CFAP92: variants seen among roughly 807,000 people sequenced by gnomAD.
CFAP92 encodes the protein cilia and flagella associated protein 92 (putative).
Under a neutral mutation model 106.3 loss-of-function variants are expected in CFAP92, and 86 were observed. The observed-to-expected ratio is 0.81, with a 90% CI of 0.68 to 0.97. CFAP92 has a LOEUF of 0.97. CFAP92 is among the 50% of genes least tolerant of loss of function. The probability of loss-of-function intolerance (pLI) is 0.00; values close to 1 mark genes in which losing one functional copy is unlikely to be tolerated. For synonymous variants in CFAP92, 477 were observed against 506.4 expected, an observed-to-expected ratio of 0.94 and a Z score of 0.78; for missense variants, 1,204 against 1,283.8, an observed-to-expected ratio of 0.94 and a Z score of 0.95.
At chr3:128,994,872 A>C (rs1944423392), upstream of CFAP92, among the ~76,000 whole-genome samples, 1 of 152,188 alleles carries the variant, frequency 6.6e-6, no homozygotes, top group Admixed American at 6.5e-5. Flanking sequence ...AGGCGGTGAA[A>C]GCAAGAGAAA....
intron 9 of CFAP92, among the ~76,000 whole-genome samples, chr3:128,958,655 C>T (rs1176135785): frequency 6.6e-6 from 1 of 152,214 alleles, no homozygotes; most frequent in Non-Finnish European, 1.5e-5. Flanking sequence ...AATCCTAGCA[C>T]TTTGGGAGGC....
intron 4 of CFAP92, among the ~76,000 whole-genome samples, chr3:128,980,144 G>C (rs1320980792): frequency 6.6e-6 from 1 of 151,730 alleles, no homozygotes; most frequent in Non-Finnish European, 1.5e-5. Context: ...ACTGAGATAA[G>C]AGGATCGCTT....
the CFAP92 span, among the ~76,000 whole-genome samples, chr3:129,015,506 G>A: frequency 6.6e-6 from 1 of 151,948 alleles, no homozygotes; most frequent in Non-Finnish European, 1.5e-5. Context: ...TTCATCCTTC[G>A]GTGAATTAAA....
rs747846480 is a variant in CFAP92 at position 128,912,457 on chromosome 3, C to A, written c.3281-2124G>T. On this transcript the variant is annotated intron_variant, in intron 15 of 15. Transcript: ENST00000645291. ...ATGCCCCCACTTCAGCCATGTTTGTCTTATCACGGTGCAGAAAGATCACCC... is the reference window on the plus strand; with the variant it reads ...ATGCCCCCACTTCAGCCATGTTTGTATTATCACGGTGCAGAAAGATCACCC... The A allele has an allele frequency of 2.6e-6, 4 of 1,548,684 alleles. No homozygotes were observed. The African/African-American group carries it at 4.1e-5, about 16-fold the overall frequency.
intron 5 of CFAP92, among the ~76,000 whole-genome samples, chr3:128,977,416 G>T (rs1409162170): frequency 6.6e-6 from 1 of 152,156 alleles, no homozygotes; most frequent in South Asian, 2.1e-4. Flanking sequence ...GCAAATTACA[G>T]TCTGCCCAGC....
chr3:128,911,035 ATGTG>A (rs375679286), intron 15 of CFAP92, among the ~76,000 whole-genome samples: 3 of 151,968 alleles, frequency 2.0e-5, no homozygotes, highest in Admixed American at 1.3e-4. Flanking sequence ...GTATGTATAT[ATGTG>A]TGTGTGTGTA....
At position 128,993,301 on chromosome 3, in the gene CFAP92, A is replaced by T; in HGVS notation, c.4T>A (p.Ser2Thr). 1 of 1,612,808 alleles carries T rather than the reference A, an allele frequency of 6.2e-7. No individual in the cohort carries two copies. Reference sequence around the variant, plus strand: ...TCTTCCCACTCCCAGGCATGTAGCGACATGCTGCAGAGCGCACTGCTGGCC... The same window carrying T: ...TCTTCCCACTCCCAGGCATGTAGCGTCATGCTGCAGAGCGCACTGCTGGCC... M[S>T]LHAWEWEEDP... The change falls in exon 2 of 16, where the codon TCG becomes ACG. Residue 2 changes from serine (S) to threonine (T), a missense_variant. Transcript: ENST00000645291.
At chr3:128,968,027 A>G (rs1413653680) in intron 8 of CFAP92, 2 of 152,148 alleles carry the variant, frequency 1.3e-5, no homozygotes, top group East Asian at 3.9e-4. Context: ...CCTGGTTAAG[A>G]GTGGAATGGT....
chr3:128,946,070 G>A, intron 9 of CFAP92, 95 bp from the exon 10 acceptor site: 1 of 877,866 alleles, frequency 1.1e-6, no homozygotes, highest in Non-Finnish European at 1.6e-6. Context: ...CAGGCTCATT[G>A]CCTGTCCCTG....
chr3:128,942,709 C>G (rs1939767372), intron 10 of CFAP92, among the ~76,000 whole-genome samples: 1 of 151,284 alleles, frequency 6.6e-6, no homozygotes, highest in African/African-American at 2.4e-5. Flanking sequence ...GAATCTTGCT[C>G]TGCCACCCAG....
At chr3:129,015,539 T>A in the CFAP92 span, among the ~76,000 whole-genome samples, 2 of 152,052 alleles carry the variant, frequency 1.3e-5, no homozygotes, top group Non-Finnish European at 2.9e-5. Context: ...CAGCTTGGGC[T>A]GGCAGGGCCT....
At chr3:128,913,164 T>C (rs1054312092) in intron 15 of CFAP92, 9 of 414,192 alleles carry the variant, frequency 2.2e-5, no homozygotes, top group African/African-American at 1.8e-4. Context: ...CTTTAATGGG[T>C]GACAGCAGGA....
the CFAP92 span, among the ~76,000 whole-genome samples, chr3:129,021,635 G>A: frequency 7.9e-4 from 120 of 152,226 alleles, 1 homozygote; most frequent in Middle Eastern, 3.4e-3. Context: ...GTGAGTCTGC[G>A]CGGGTATCTG....
At chr3:128,971,254 G>A (rs1942769477) in intron 8 of CFAP92, 33 bp downstream of exon 8, 6 of 1,613,442 alleles carry the variant, frequency 3.7e-6, no homozygotes, top group Non-Finnish European at 5.1e-6. Flanking sequence ...AAGACAAGCA[G>A]GAGCTGCTGG....
intron 12 of CFAP92, among the ~76,000 whole-genome samples, chr3:128,931,993 G>A (rs935483088): frequency 1.3e-5 from 2 of 152,164 alleles, no homozygotes; most frequent in African/African-American, 2.4e-5. Context: ...ACTCTAGCCT[G>A]GGCAACAGAG....
At chr3:128,932,610 A>C in intron 12 of CFAP92, 90 bp downstream of exon 12, 1 of 1,291,138 alleles carries the variant, frequency 7.7e-7, no homozygotes, top group Non-Finnish European at 1.0e-6. Flanking sequence ...CAAATGTCCC[A>C]CTCAGGAATA....
At chr3:128,969,800 G>T (rs1348161146) in intron 8 of CFAP92, 2 of 152,326 alleles carry the variant, frequency 1.3e-5, no homozygotes, top group African/African-American at 4.8e-5. Flanking sequence ...GTGTGCAATA[G>T]GTATGCTGGA....
intron 5 of CFAP92, among the ~76,000 whole-genome samples, chr3:128,977,784 A>G (rs1049937253): frequency 2.0e-5 from 3 of 152,172 alleles, no homozygotes; most frequent in African/African-American, 7.2e-5. Context: ...ACTTGAACCC[A>G]GGAGGCAGAG....
chr3:128,921,642 A>G (rs1204471838), intron 12 of CFAP92, among the ~76,000 whole-genome samples: 1 of 152,328 alleles, frequency 6.6e-6, no homozygotes, highest in East Asian at 1.9e-4. Flanking sequence ...AAAGGCAAAA[A>G]CTACCATCAA....
Sources: gnomAD v4.1 joint callset for allele counts (sites outside exome capture counted in the v4.1 genomes callset) on GRCh38, gnomAD v4.1.1 for gene constraint, MANE v1.5 for transcripts, NCBI Gene and HGNC (gene_info 2026-07-23, HGNC 2026-07-21) for gene names.